ZNF227: variants seen among roughly 807,000 people sequenced by gnomAD.
The protein encoded by ZNF227 is zinc finger protein 227.
Under a neutral mutation model 13.2 loss-of-function variants are expected in ZNF227, and 12 were observed. The observed-to-expected ratio is 0.91, with a 90% CI of 0.58 to 1.47. The LOEUF (loss-of-function observed/expected upper bound fraction) is 1.47, where lower values mean the gene tolerates loss of function less well. Ranked by LOEUF, ZNF227 falls within the 40% of genes most tolerant of loss-of-function variation. The pLI is 0.00. For missense variants in ZNF227, 885 were observed against 967.5 expected, an observed-to-expected ratio of 0.91 and a Z score of 1.13; for synonymous variants, 338 against 326.0, an observed-to-expected ratio of 1.04 and a Z score of -0.40.
chr19:44,236,236 A>G lies in ZNF227; in HGVS notation c.1806A>G (p.Lys602=). ...ATCAAAGAGTTCACTCAGGAGAAAA[A>G]CCCTATAAATGTGAGCAGTGTGATA... The part of the protein sequence containing the change: ...HAHQRVHSGE[K]PYKCEQCDKS... The change falls in exon 6 of 6, where the codon AAA becomes AAG. Residue 602 remains lysine (K), a synonymous_variant. Transcript: ENST00000313040. 6.2e-7 allele frequency: 1 copy of G among 1,613,856 alleles called. No homozygotes were observed. Among genetic ancestry groups the G allele is most frequent in the African/African-American group, 1.3e-5 (1 of 74,914 alleles).
chr19:44,214,915 C>A (rs1362517264), intron 2 of ZNF227, among the ~76,000 whole-genome samples: 1 of 151,872 alleles, frequency 6.6e-6, no homozygotes, highest in East Asian at 1.9e-4. Context: ...GGAGGGGTAC[C>A]GCCTGAGCTC....
rs1255652810 is a variant in ZNF227 at position 44,236,379 on chromosome 19, A to G, written c.1949A>G (p.His650Arg). 1 of 1,614,212 alleles carries G rather than the reference A, an allele frequency of 6.2e-7. No individual in the cohort carries two copies. Residue 650 changes from histidine (H) to arginine (R), a missense_variant, in exon 6 of 6, where the codon CAT (histidine) becomes CGT (arginine). His to Arg is a conservative substitution (Grantham distance 29, BLOSUM62 0). Transcript: ENST00000313040. ...GFSQSSGLQSHQRVHTGEKPY... is the reference protein window; with the variant it reads ...GFSQSSGLQSRQRVHTGEKPY... ...AGTCAGTCCTCTGGTCTTCAATCCC[A>G]TCAGAGAGTCCACACGGGGGAAAAG...
chr19:44,220,001 A>G (rs1045158914), intron 3 of ZNF227, among the ~76,000 whole-genome samples: 145 of 151,772 alleles, frequency 9.6e-4, no homozygotes, highest in Non-Finnish European at 1.5e-3. Flanking sequence ...TCATTGTTCA[A>G]TTCCCACCTA....
At chr19:44,225,633 C>T (rs1973049130) in intron 3 of ZNF227, among the ~76,000 whole-genome samples, 1 of 152,192 alleles carries the variant, frequency 6.6e-6, no homozygotes, top group Non-Finnish European at 1.5e-5. Context: ...CCTTTAAGCA[C>T]TTCTCTGTAT....
At chr19:44,208,171 C>G (rs1006678551), upstream of ZNF227, among the ~76,000 whole-genome samples, 1 of 152,158 alleles carries the variant, frequency 6.6e-6, no homozygotes, top group Non-Finnish European at 1.5e-5. Context: ...TACAGTCAAG[C>G]AGTTTTAAAC....
chr19:44,226,154 A>G (rs1973122686), intron 3 of ZNF227, among the ~76,000 whole-genome samples: 2 of 152,160 alleles, frequency 1.3e-5, no homozygotes, highest in Non-Finnish European at 2.9e-5. Context: ...TTTGTCTCAG[A>G]GGAGTACTCA....
intron 4 of ZNF227, chr19:44,228,970 T>C (rs1186125929): frequency 3.9e-6 from 1 of 255,134 alleles, no homozygotes; most frequent in East Asian, 7.2e-5. Context: ...AACCCTGTTT[T>C]AAATGAACCG....
chr19:44,230,951 A>ATATATATATATATATATATATCTATC (rs1244386357), intron 5 of ZNF227, among the ~76,000 whole-genome samples: 1 of 132,728 alleles, frequency 7.5e-6, no homozygotes, highest in African/African-American at 3.2e-5. Flanking sequence ...ATATATATAT[A>ATATATATATATATATATATATCTATC]TATCTTAGCC....
intron 3 of ZNF227, among the ~76,000 whole-genome samples, chr19:44,225,872 G>T (rs1973078777): frequency 6.6e-6 from 1 of 152,088 alleles, no homozygotes; most frequent in African/African-American, 2.4e-5. Flanking sequence ...TTTCTGCTCT[G>T]TTTTTTCCCC....
At chr19:44,217,110 G>A (rs754907929) in intron 2 of ZNF227, among the ~76,000 whole-genome samples, 24 of 151,628 alleles carry the variant, frequency 1.6e-4, no homozygotes, top group African/African-American at 5.6e-4. Context: ...TTACAGACCC[G>A]CACCACCACG....
At chr19:44,208,008 G>C (rs531505307), upstream of ZNF227, 1 of 152,258 alleles carries the variant, frequency 6.6e-6, no homozygotes, top group African/African-American at 2.4e-5. Flanking sequence ...TATGTGGTAG[G>C]TACCACTTAT....
Position 44,235,417 on chromosome 19 carries a change from C to G in ZNF227, c.987C>G (p.Cys329Trp). 6.2e-7 allele frequency: 1 copy of G among 1,614,028 alleles called. No individual in the cohort carries two copies. The highest frequency in any genetic ancestry group is 8.5e-7 in the Non-Finnish European group (1 of 1,180,014). Reference protein sequence around the residue: ...TGEKSYRCDSCGKGFSSSTGL... With the variant: ...TGEKSYRCDSWGKGFSSSTGL... ...AGAAGTCTTATAGATGCGACAGTTG[C>G]GGCAAGGGATTCAGTAGCAGCACGG... The change falls in exon 6 of 6, where the codon TGC (cysteine) becomes TGG (tryptophan). Residue 329 changes from cysteine (C) to tryptophan (W), a missense_variant. Physicochemically the swap from Cys to Trp is radical, Grantham distance 215. Transcript: ENST00000313040.
In ZNF227 at chr19:44,236,965, A is replaced by C; in HGVS notation, c.*135A>C. 1 of 674,982 alleles carries C rather than the reference A, an allele frequency of 1.5e-6. No homozygotes were observed. Among genetic ancestry groups the C allele is most frequent in the Non-Finnish European group, 2.4e-6 (1 of 411,010 alleles). 41.8% of individuals were successfully genotyped at this position (674,982 alleles called of 1,614,324 possible). On this transcript the variant is annotated 3_prime_UTR_variant, in exon 6 of 6. Coordinates refer to ENST00000313040, the MANE Select transcript of ZNF227 (RefSeq NM_182490.3). The stretch of plus-strand genomic sequence containing the variant: ...TTCACACTTGGAATCTTTCTAACAA[A>C]TCCATCAAGATGATAACACAGAACC...
At chr19:44,231,664 A>T (rs1029504608) in intron 5 of ZNF227, among the ~76,000 whole-genome samples, 6 of 152,210 alleles carry the variant, frequency 3.9e-5, no homozygotes, top group African/African-American at 1.4e-4. Flanking sequence ...TCTTAACAAA[A>T]AACTTACAGA....
In ZNF227 at chr19:44,236,806, A is replaced by G; in HGVS notation, c.2376A>G (p.Lys792=). ...RHRSRLTYHQ[K]VHTGKKL The stretch of plus-strand genomic sequence containing the variant: ...GTTCACGTCTTACATATCATCAGAA[A>G]GTCCATACTGGTAAAAAGCTTTAGA... Residue 792 remains lysine (K), a synonymous_variant, in exon 6 of 6, where the codon AAA becomes AAG. Transcript: ENST00000313040. 6.3e-7 allele frequency: 1 copy of G among 1,578,354 alleles called. No homozygotes were observed. Among genetic ancestry groups the G allele is most frequent in the East Asian group, 2.2e-5 (1 of 44,504 alleles).
Sources: gnomAD v4.1 joint callset for allele counts (sites outside exome capture counted in the v4.1 genomes callset) on GRCh38, gnomAD v4.1.1 for gene constraint, MANE v1.5 for transcripts, NCBI Gene and HGNC (gene_info 2026-07-23, HGNC 2026-07-21) for gene names.